The following SCN11A variants were observed in gnomAD, a reference collection of about 807,000 sequenced individuals.
SCN11A encodes sodium voltage-gated channel alpha subunit 11, also known as sodium channel protein type 11 subunit alpha.
A neutral mutation model predicts 162.2 loss-of-function variants in SCN11A; 122 were observed. The ratio of observed to expected loss-of-function variants is 0.75; its 90% CI spans 0.65 to 0.87. SCN11A has a LOEUF of 0.87. SCN11A is among the 40% of genes least tolerant of loss of function. The pLI is 0.00. For missense variants in SCN11A, 2,015 were observed against 2,181.6 expected (o/e 0.92, Z 1.52); for synonymous variants, 758 against 751.5 (o/e 1.01, Z -0.14).
chr3:38,893,694 G>A (rs1029772290), intron 19 of SCN11A, among the ~76,000 whole-genome samples: 4 of 151,840 alleles, frequency 2.6e-5, no homozygotes, highest in African/African-American at 4.8e-5. Flanking sequence ...AGTGAAATTC[G>A]AAATTAATAA....
chr3:38,883,423 C>A, intron 21 of SCN11A, 36 bp from the exon 22 acceptor site: 1 of 1,582,252 alleles, frequency 6.3e-7, no homozygotes. Flanking sequence ...TCATTAGTGT[C>A]TGTAATAAAC....
At chr3:38,922,077 C>T (rs752054865) in intron 9 of SCN11A, among the ~76,000 whole-genome samples, 10 of 152,184 alleles carry the variant, frequency 6.6e-5, no homozygotes, top group Non-Finnish European at 1.2e-4. Flanking sequence ...AAGAACAAGT[C>T]AACTTCAGCA....
intron 1 of SCN11A, among the ~76,000 whole-genome samples, chr3:39,037,606 T>C (rs1484743117): frequency 6.6e-6 from 1 of 152,146 alleles, no homozygotes; most frequent in African/African-American, 2.4e-5. Flanking sequence ...TAAATATATA[T>C]ACATCTACTA....
At chr3:38,920,741 G>A (rs2066036321) in intron 10 of SCN11A, among the ~76,000 whole-genome samples, 1 of 151,572 alleles carries the variant, frequency 6.6e-6, no homozygotes, top group Non-Finnish European at 1.5e-5. Context: ...GAGTGGGGCT[G>A]GGAAGCTGCT....
At chr3:38,962,651 G>C (rs2066748839) in intron 2 of SCN11A, among the ~76,000 whole-genome samples, 2 of 151,944 alleles carry the variant, frequency 1.3e-5, no homozygotes, top group Non-Finnish European at 2.9e-5. Flanking sequence ...AGGAGTTCAA[G>C]ACCTTGGCCA....
At chr3:38,923,502 C>T (rs542047575) in intron 9 of SCN11A, among the ~76,000 whole-genome samples, 172 of 152,280 alleles carry the variant, frequency 1.1e-3, no homozygotes, top group Non-Finnish European at 1.4e-3. Flanking sequence ...CCTCTCACAG[C>T]CTTCTCTGTC....
intron 24 of SCN11A, 131 bp downstream of exon 24, chr3:38,872,062 G>C: frequency 1.4e-6 from 1 of 701,108 alleles, no homozygotes; most frequent in Non-Finnish European, 2.6e-6. Context: ...CAAATTCTAA[G>C]CACTGGGCAG....
intron 7 of SCN11A, among the ~76,000 whole-genome samples, chr3:38,939,206 T>C (rs1261994427): frequency 6.6e-6 from 1 of 151,870 alleles, no homozygotes; most frequent in African/African-American, 2.4e-5. Context: ...TAGAATTTAA[T>C]ACATAAATAG....
rs1219989300 is a variant in SCN11A, at chr3:38,847,687, G to A, written c.4383C>T (p.Leu1461=). 2 of 1,613,420 alleles carry A rather than the reference G, an allele frequency of 1.2e-6. No homozygotes were observed. Among genetic ancestry groups the A allele is most frequent in the South Asian group, 1.1e-5 (1 of 91,040 alleles). Reference sequence around the variant, plus strand: ...TCCGAGCCAAGCGGACAATTCTGAAGAGCGTCGGAGGGAAAGGAATGTGCT... The same window carrying A: ...TCCGAGCCAAGCGGACAATTCTGAAAAGCGTCGGAGGGAAAGGAATGTGCT... ...NQEHIPFPPT[L]FRIVRLARIG... Residue 1461 remains leucine, a synonymous_variant, in exon 30 of 30, where the codon CTC becomes CTT. Coordinates refer to ENST00000302328, the MANE Select transcript of SCN11A (RefSeq NM_001349253.2).
At chr3:38,902,247 AGAG>A (rs1451053210) in intron 16 of SCN11A, among the ~76,000 whole-genome samples, 1 of 152,208 alleles carries the variant, frequency 6.6e-6, no homozygotes, top group Non-Finnish European at 1.5e-5. Flanking sequence ...ATGCCTCAGC[AGAG>A]GATAGCTGAA....
intron 7 of SCN11A, among the ~76,000 whole-genome samples, chr3:38,927,872 C>T (rs994485585): frequency 1.4e-4 from 21 of 152,290 alleles, no homozygotes; most frequent in Admixed American, 7.2e-4. Context: ...ATGGGTACTA[C>T]AATTCATGAT....
chr3:38,909,380 G>C (rs2065853037), intron 12 of SCN11A, among the ~76,000 whole-genome samples, 186 bp from the exon 13 acceptor site: 2 of 151,998 alleles, frequency 1.3e-5, no homozygotes, highest in South Asian at 4.2e-4. Flanking sequence ...TCTCTCAGTG[G>C]GGAGATACTA....
At chr3:38,989,343 G>A (rs1156876337) in intron 2 of SCN11A, among the ~76,000 whole-genome samples, 1 of 152,124 alleles carries the variant, frequency 6.6e-6, no homozygotes, top group African/African-American at 2.4e-5. Flanking sequence ...GCAGAAACCC[G>A]CTGCCCTGAC....
intron 2 of SCN11A, among the ~76,000 whole-genome samples, chr3:38,974,848 C>T (rs996182083): frequency 6.6e-6 from 1 of 151,070 alleles, no homozygotes; most frequent in African/African-American, 2.4e-5. Flanking sequence ...TTAGGAAATG[C>T]CAATCTTTGA....
chr3:38,952,425 C>T (rs1048468155), intron 4 of SCN11A, among the ~76,000 whole-genome samples: 1 of 152,186 alleles, frequency 6.6e-6, no homozygotes, highest in African/African-American at 2.4e-5. Flanking sequence ...CTCTTACACC[C>T]ACTCCAGGAA....
chr3:38,907,440 G>GTTGGAGTA (rs1318190864), intron 14 of SCN11A, among the ~76,000 whole-genome samples: 1 of 150,928 alleles, frequency 6.6e-6, no homozygotes, highest in Non-Finnish European at 1.5e-5. Context: ...TGGCTTCAGT[G>GTTGGAGTA]GTAACTGGCT....
At chr3:39,042,426 T>G (rs1421297670) in intron 1 of SCN11A, among the ~76,000 whole-genome samples, 1 of 152,164 alleles carries the variant, frequency 6.6e-6, no homozygotes, top group Non-Finnish European at 1.5e-5. Context: ...GACATTAATC[T>G]GGGCAAAAAT....
chr3:38,977,733 G>A lies in SCN11A; in HGVS notation c.-279-17310C>T, dbSNP rs970136496. 2.0e-5 allele frequency among the ~76,000 whole-genome samples: 3 copies of A among 152,162 alleles called. 1 individual carries two copies. Among genetic ancestry groups the A allele is most frequent in the African/African-American group, 2.4e-5 (1 of 41,508 alleles). ...CATGCCTTGGAGCTTCCCCTTCTGC[G>A]CTTAGCTTACTCTGTAACTTCTACT... On this transcript the variant is annotated intron_variant, in intron 2 of 29. Coordinates refer to ENST00000302328, the MANE Select transcript of SCN11A (RefSeq NM_001349253.2).
At chr3:39,034,116 C>T (rs1012208846) in intron 1 of SCN11A, among the ~76,000 whole-genome samples, 1 of 152,002 alleles carries the variant, frequency 6.6e-6, no homozygotes, top group African/African-American at 2.4e-5. Flanking sequence ...GAGCCGAGAT[C>T]GCACCACTGC....
Sources: allele counts gnomAD v4.1 joint callset (sites outside exome capture counted in the v4.1 genomes callset), GRCh38; gene constraint gnomAD v4.1.1; transcripts MANE v1.5; gene names NCBI Gene and HGNC (gene_info 2026-07-23, HGNC 2026-07-21).